Variants in MPHOSPH9 observed in about 807,000 individuals in gnomAD.
The protein encoded by MPHOSPH9 is M-phase phosphoprotein 9.
MPHOSPH9 carries 88 observed loss-of-function variants against 145.5 expected under a neutral mutation model. That is an observed-to-expected ratio of 0.60 (90% CI 0.51 to 0.72). The LOEUF is 0.72. MPHOSPH9 is among the 30% of genes least tolerant of loss of function. The probability of loss-of-function intolerance (pLI) is 0.00; values close to 1 mark genes in which losing one functional copy is unlikely to be tolerated. For synonymous variants in MPHOSPH9, 435 were observed against 486.2 expected (o/e 0.89, Z 1.39); for missense variants, 1,238 against 1,386.6 (o/e 0.89, Z 1.70).
At chr12:123,186,478 T>C (rs2045450193) in intron 13 of MPHOSPH9, among the ~76,000 whole-genome samples, 1 of 152,054 alleles carries the variant, frequency 6.6e-6, no homozygotes. Context: ...TCTGCAGGCT[T>C]GAAACTTTGA....
chr12:123,187,057 G>A (rs2045475455), intron 13 of MPHOSPH9, among the ~76,000 whole-genome samples: 5 of 152,250 alleles, frequency 3.3e-5, no homozygotes, highest in East Asian at 3.9e-4. Flanking sequence ...TCAGGAGTCC[G>A]AGACCAGCCA....
intron 21 of MPHOSPH9, 34 bp downstream of exon 21, chr12:123,162,080 TA>T: frequency 7.5e-7 from 1 of 1,328,720 alleles, no homozygotes; most frequent in Non-Finnish European, 1.0e-6. Context: ...AATGAATGAT[TA>T]AAACCATAAC....
At chr12:123,166,604 T>C in intron 17 of MPHOSPH9, 51 bp downstream of exon 17, 1 of 1,588,178 alleles carries the variant, frequency 6.3e-7, no homozygotes, top group Non-Finnish European at 8.5e-7. Flanking sequence ...AATTGAAATC[T>C]CTAAGAAAAC....
At chr12:123,163,870 C>T (rs1400910783) in intron 19 of MPHOSPH9, 80 bp downstream of exon 19, 1 of 1,559,858 alleles carries the variant, frequency 6.4e-7, no homozygotes, top group Non-Finnish European at 8.8e-7. Flanking sequence ...AAACCAGAAA[C>T]AGGCAAGCAG....
At chr12:123,193,978 T>C (rs2045824523) in intron 13 of MPHOSPH9, among the ~76,000 whole-genome samples, 1 of 152,144 alleles carries the variant, frequency 6.6e-6, no homozygotes, top group Non-Finnish European at 1.5e-5. Flanking sequence ...TATGTAAAAC[T>C]AAAATAAAGG....
intron 5 of MPHOSPH9, among the ~76,000 whole-genome samples, chr12:123,220,064 C>T (rs1264303243): frequency 6.6e-6 from 1 of 151,866 alleles, no homozygotes; most frequent in Non-Finnish European, 1.5e-5. Flanking sequence ...CGTGGCGGTA[C>T]ATGCCTGTAG....
Position 123,218,357 on chromosome 12 carries a change from A to T in MPHOSPH9, c.996+19T>A. ...ATCATCAGTACTGGAGCCCGCAGGG[A>T]AAGTGACTAGTCACCTACTTTCTCA... On this transcript the variant is annotated intron_variant, in intron 6 of 23. Coordinates refer to ENST00000606320, the MANE Select transcript of MPHOSPH9 (RefSeq NM_022782.4). The T allele has an allele frequency of 6.2e-7, 1 of 1,613,654 alleles. No homozygotes were observed. Among genetic ancestry groups the T allele is most frequent in the Non-Finnish European group, 8.5e-7 (1 of 1,179,680 alleles).
rs369398127 is a variant in MPHOSPH9, at chr12:123,209,898, A to G, written c.1194+158T>C. 3.4e-3 allele frequency among the ~76,000 whole-genome samples: 513 copies of G among 151,446 alleles called. 2 individuals are homozygous for G. The highest frequency in any genetic ancestry group is 0.011 in the African/African-American group (471 of 41,300). ...ACTACAGGCGCCCGCCACCACGCCC[A>G]GCTAATTTTTTGTATTTTTAGTAGA... is the stretch of plus-strand genomic sequence containing the variant. On this transcript the variant is annotated intron_variant, in intron 8 of 23. Coordinates refer to ENST00000606320, the MANE Select transcript of MPHOSPH9 (RefSeq NM_022782.4).
chr12:123,158,408 C>G (rs2682429), intron 23 of MPHOSPH9, among the ~76,000 whole-genome samples: 96,581 of 152,060 alleles, frequency 0.64, 35,253 homozygotes, highest in East Asian at 0.97. Context: ...TTCGAGACCA[C>G]CCTGGGCAAC....
intron 11 of MPHOSPH9, among the ~76,000 whole-genome samples, chr12:123,200,610 A>G (rs2046178708): frequency 6.7e-6 from 1 of 150,262 alleles, no homozygotes; most frequent in African/African-American, 2.4e-5. Context: ...GGCTTCTTTC[A>G]TACTTGTTTT....
intron 18 of MPHOSPH9, among the ~76,000 whole-genome samples, chr12:123,164,987 A>G (rs567890913): frequency 3.3e-5 from 5 of 149,568 alleles, no homozygotes; most frequent in Admixed American, 2.7e-4. Context: ...CAGCCTGGGC[A>G]AAAGAGTGAG....
chr12:123,178,225 G>T (rs2044970710), intron 15 of MPHOSPH9, among the ~76,000 whole-genome samples: 1 of 152,150 alleles, frequency 6.6e-6, no homozygotes, highest in African/African-American at 2.4e-5. Flanking sequence ...TAAGCTCTGT[G>T]TATGACTTCA....
Position 123,166,493 on chromosome 12 carries a change from A to C in MPHOSPH9, c.2591+162T>G, listed in dbSNP as rs1029299212. 6.1e-6 allele frequency: 5 copies of C among 824,054 alleles called. No homozygotes were observed. In the South Asian group the frequency reaches 8.2e-5, roughly 13 times the overall value. The allele number at this position is 824,054 out of a possible 1,614,324, so 51.0% of individuals were successfully genotyped here. A position where few individuals can be genotyped will look rare whatever the true frequency, so the allele number is the denominator to read the frequency against. On this transcript the variant is annotated intron_variant, in intron 17 of 23. Coordinates refer to ENST00000606320, the MANE Select transcript of MPHOSPH9 (RefSeq NM_022782.4). ...GCTTGGCAGAGCTCATGGAAGTAAA[A>C]TATTCTAAAAGTAGTAGCCTTTCAA...
At chr12:123,198,205 CATTT>C (rs753881882) in intron 12 of MPHOSPH9, 38 bp downstream of exon 12, 15 of 1,398,748 alleles carry the variant, frequency 1.1e-5, no homozygotes, top group East Asian at 2.3e-5. Context: ...CGAAATAATT[CATTT>C]GTCTCACCAG....
chr12:123,184,496 TA>T (rs1460056135), intron 13 of MPHOSPH9, among the ~76,000 whole-genome samples: 2 of 73,714 alleles, frequency 2.7e-5, no homozygotes, highest in Non-Finnish European at 5.6e-5. Context: ...CGCTTTAATT[TA>T]ATTTTTTTTT....
Position 123,161,292 on chromosome 12 carries a change from C to T in MPHOSPH9, c.3225G>A (p.Val1075=). The change falls in exon 22 of 24, where the codon GTG becomes GTA. Residue 1075 remains valine (V), a synonymous_variant. Coordinates refer to ENST00000606320, the MANE Select transcript of MPHOSPH9 (RefSeq NM_022782.4). Reference sequence around the variant, plus strand: ...ATTTATTCTTCTCCCAGGCTGTTCTCACAGATACTTTCTTCACTCCATTTG... The same window carrying T: ...ATTTATTCTTCTCCCAGGCTGTTCTTACAGATACTTTCTTCACTCCATTTG... ...PVPNGVKKVS[V]RTAWEKNKSV... 1 of 1,614,096 alleles carries T rather than the reference C, an allele frequency of 6.2e-7. No homozygotes were observed. Among genetic ancestry groups the T allele is most frequent in the Non-Finnish European group, 8.5e-7 (1 of 1,180,000 alleles).
chr12:123,165,135 T>C lies in MPHOSPH9; in HGVS notation c.2767+167A>G, dbSNP rs374407275. The stretch of plus-strand genomic sequence containing the variant: ...GCCAGAACTGTGATAAATTATTAAC[T>C]AGGACATTCAATTCTCTATGAAACG... On this transcript the variant is annotated intron_variant, in intron 18 of 23. Coordinates refer to ENST00000606320, the MANE Select transcript of MPHOSPH9 (RefSeq NM_022782.4). 2.4e-4 allele frequency among the ~76,000 whole-genome samples: 37 copies of C among 152,086 alleles called. No homozygotes were observed. The South Asian group carries it at 6.9e-3, about 28-fold the overall frequency.
intron 1 of MPHOSPH9, among the ~76,000 whole-genome samples, chr12:123,231,761 G>GC (rs1402127138): frequency 6.7e-6 from 1 of 148,518 alleles, no homozygotes; most frequent in Non-Finnish European, 1.5e-5. Flanking sequence ...AGTGAAGCTG[G>GC]ATATATACCA....
At chr12:123,224,175 C>A (rs1329510935) in intron 3 of MPHOSPH9, among the ~76,000 whole-genome samples, 3 of 144,750 alleles carry the variant, frequency 2.1e-5, no homozygotes, top group Non-Finnish European at 4.5e-5. Context: ...TGCTCTGTCG[C>A]CCAGACTGGA....
Sources: allele counts gnomAD v4.1 joint callset (sites outside exome capture counted in the v4.1 genomes callset), GRCh38; gene constraint gnomAD v4.1.1; transcripts MANE v1.5; gene names NCBI Gene and HGNC (gene_info 2026-07-23, HGNC 2026-07-21).